The following KDM4A variants were observed in gnomAD, a reference collection of about 807,000 sequenced individuals.
KDM4A encodes the protein lysine-specific demethylase 4A.
KDM4A carries 23 observed loss-of-function variants against 127.1 expected under a neutral mutation model. That is an observed-to-expected ratio of 0.18 (90% CI 0.13 to 0.26). The LOEUF (loss-of-function observed/expected upper bound fraction) is 0.26. Ranked by LOEUF, KDM4A falls within the 10% of genes least tolerant of loss-of-function variation. The pLI is 1.00. For missense variants in KDM4A, 890 were observed against 1,329.1 expected (o/e 0.67, Z 5.14); for synonymous variants, 443 against 466.5 (o/e 0.95, Z 0.65).
chr1:43,694,983 T>C lies in KDM4A; in HGVS notation c.2670+89T>C, dbSNP rs1343631304. 5 of 1,271,274 alleles carry C rather than the reference T, an allele frequency of 3.9e-6. No individual in the cohort carries two copies. 78.7% of individuals were successfully genotyped at this position (1,271,274 alleles called of 1,614,324 possible). On this transcript the variant is annotated intron_variant, in intron 18 of 21. Coordinates refer to ENST00000372396, the MANE Select transcript of KDM4A (RefSeq NM_014663.3). The surrounding 1 kb of genome is among the most constrained non-coding windows in gnomAD (Gnocchi z 5.2). ...TTCCATTTGTTGTATCAGCAACTAT[T>C]TCCTCAAGCATTCTGCATTATGAAG...
intron 11 of KDM4A, among the ~76,000 whole-genome samples, chr1:43,673,255 A>C (rs1045025522): frequency 3.9e-5 from 6 of 152,104 alleles, no homozygotes; most frequent in African/African-American, 9.7e-5. Context: ...GAGATAGAAG[A>C]AGCCAGTGCA....
chr1:43,684,047 T>C (rs548226463), intron 12 of KDM4A, among the ~76,000 whole-genome samples: 1 of 152,340 alleles, frequency 6.6e-6, no homozygotes, highest in East Asian at 1.9e-4. Flanking sequence ...GTTTTTTCCT[T>C]TCTTTTCCTG....
At chr1:43,653,728 A>C (rs1320417307) in intron 2 of KDM4A, 1 of 154,236 alleles carries the variant, frequency 6.5e-6, no homozygotes, top group Non-Finnish European at 1.4e-5. Context: ...GAGAGAATGC[A>C]CTGGCCAGCC....
At chr1:43,701,003 A>G (rs1274936357) in intron 19 of KDM4A, among the ~76,000 whole-genome samples, 1 of 151,352 alleles carries the variant, frequency 6.6e-6, no homozygotes, top group Non-Finnish European at 1.5e-5. Context: ...GCTCACTGCA[A>G]CCTCCACCTA....
intron 4 of KDM4A, among the ~76,000 whole-genome samples, chr1:43,661,608 C>CA (rs34131801): frequency 0.014 from 566 of 40,812 alleles, 20 homozygotes; most frequent in Non-Finnish European, 0.018. Flanking sequence ...GACTCTGTCT[C>CA]AAAAAAAAAA....
intron 13 of KDM4A, among the ~76,000 whole-genome samples, 176 bp downstream of exon 13, chr1:43,689,271 G>A (rs573742989): frequency 2.3e-4 from 35 of 152,350 alleles, no homozygotes; most frequent in East Asian, 7.7e-4. Flanking sequence ...ACCCAGCAAC[G>A]TGGGTTTCAA....
At chr1:43,663,172 G>A in intron 5 of KDM4A, 85 bp downstream of exon 5, 1 of 1,205,170 alleles carries the variant, frequency 8.3e-7, no homozygotes, top group Non-Finnish European at 1.2e-6. Context: ...CCTCAGGATT[G>A]TGTTAAAGGG....
At chr1:43,678,693 T>G (rs969722788) in intron 11 of KDM4A, among the ~76,000 whole-genome samples, 9 of 151,834 alleles carry the variant, frequency 5.9e-5, no homozygotes, top group African/African-American at 2.2e-4. Context: ...GCTTAACTGA[T>G]TCTCCCACCT....
chr1:43,665,669 G>A (rs1253257979), intron 5 of KDM4A, 27 bp from the exon 6 acceptor site: 3 of 1,613,118 alleles, frequency 1.9e-6, no homozygotes, highest in Non-Finnish European at 2.5e-6. Flanking sequence ...CCTCCACCCA[G>A]CCTCTGATGC....
chr1:43,696,165 T>C (rs910644161), intron 18 of KDM4A, among the ~76,000 whole-genome samples: 2 of 151,846 alleles, frequency 1.3e-5, no homozygotes, highest in African/African-American at 2.4e-5. Context: ...GTGAAAGCAG[T>C]TGAGAAAGTG....
At chr1:43,692,171 T>G (rs1661133030) in intron 15 of KDM4A, 85 bp from the exon 16 acceptor site, 1 of 1,188,282 alleles carries the variant, frequency 8.4e-7, no homozygotes, top group African/African-American at 1.5e-5. Flanking sequence ...GTGGAGGAGT[T>G]GCCCAAAGCA....
Position 43,697,825 on chromosome 1 carries a change from G to A in KDM4A, c.2671-18G>A. The A allele has an allele frequency of 6.2e-7, 1 of 1,608,128 alleles. No homozygotes were observed. On this transcript the variant is annotated intron_variant, in intron 18 of 21. Coordinates refer to ENST00000372396, the MANE Select transcript of KDM4A (RefSeq NM_014663.3). ...CAAACTCCACGTGTGAGTAACCAAA[G>A]CCTCTGTTTTTTTCCAGCGTGCCAA...
chr1:43,658,665 G>A (rs1057081444), intron 3 of KDM4A, among the ~76,000 whole-genome samples: 1 of 151,768 alleles, frequency 6.6e-6, no homozygotes, highest in Non-Finnish European at 1.5e-5. Flanking sequence ...CACACCACCC[G>A]GCTAATTTTT....
At chr1:43,665,824 C>T in intron 6 of KDM4A, 79 bp downstream of exon 6, 6 of 1,451,498 alleles carry the variant, frequency 4.1e-6, no homozygotes, top group Non-Finnish European at 5.8e-6. Context: ...TGTGCGTTCC[C>T]CATGGTCAGA....
At chr1:43,654,342 C>T (rs1384859783) in intron 2 of KDM4A, among the ~76,000 whole-genome samples, 1 of 152,228 alleles carries the variant, frequency 6.6e-6, no homozygotes, top group Non-Finnish European at 1.5e-5. Context: ...CCCTCCACAC[C>T]TTTTTCTCTG....
intron 3 of KDM4A, among the ~76,000 whole-genome samples, chr1:43,656,830 A>G (rs950189123): frequency 1.3e-5 from 2 of 151,702 alleles, no homozygotes; most frequent in Non-Finnish European, 2.9e-5. Context: ...GGTTCAAGCA[A>G]TTCTCCTGTC....
chr1:43,663,976 A>G (rs918378455), intron 5 of KDM4A, among the ~76,000 whole-genome samples: 1 of 152,140 alleles, frequency 6.6e-6, no homozygotes, highest in Non-Finnish European at 1.5e-5. Context: ...AACAGCAGTG[A>G]ATAAGATGGA....
chr1:43,654,366 A>G (rs1660185840), intron 2 of KDM4A, among the ~76,000 whole-genome samples: 1 of 152,244 alleles, frequency 6.6e-6, no homozygotes, highest in Non-Finnish European at 1.5e-5. Context: ...ATACAAACAT[A>G]CACACATATA....
rs775648431 is a variant in KDM4A at position 43,671,782 on chromosome 1, T to C, written c.1641T>C (p.Tyr547=). The change falls in exon 11 of 22, where the codon TAT becomes TAC. Residue 547 remains tyrosine, a synonymous_variant. Transcript: ENST00000372396. ...CGGGAGTTCTCACTGTGCACAGTTA[T>C]GCCAAAGGGGATGGCAGGGTCACTG... is the stretch of plus-strand genomic sequence containing the variant. The part of the protein sequence containing the change: ...GQTGVLTVHS[Y]AKGDGRVTVG... The C allele has an allele frequency of 2.5e-6, 4 of 1,612,670 alleles. No homozygotes were observed. The highest frequency in any genetic ancestry group is 3.3e-5 in the Admixed American group (2 of 59,866).
Sources: allele counts gnomAD v4.1 joint callset (sites outside exome capture counted in the v4.1 genomes callset), GRCh38; gene constraint gnomAD v4.1.1; non-coding constraint Gnocchi (gnomAD v3.1); transcripts MANE v1.5; gene names NCBI Gene and HGNC (gene_info 2026-07-23, HGNC 2026-07-21).